BLM: variants seen among roughly 807,000 people sequenced by gnomAD.
BLM encodes the protein recQ-like DNA helicase BLM.
BLM carries 95 observed loss-of-function variants against 135.3 expected under a neutral mutation model. That is an observed-to-expected ratio of 0.70 (90% CI 0.59 to 0.83). BLM has a LOEUF of 0.83. BLM is among the 40% of genes least tolerant of loss of function. The probability of loss-of-function intolerance (pLI) is 0.00; values close to 1 mark genes in which losing one functional copy is unlikely to be tolerated. For synonymous variants in BLM, 520 were observed against 589.2 expected (o/e 0.88, Z 1.70); for missense variants, 1,518 against 1,663.9 (o/e 0.91, Z 1.53).
At position 90,797,230 on chromosome 15, in the gene BLM, G is replaced by A. The variant is rs200131166; in HGVS notation, c.3211-960G>A. ...GGAGTTAAAGACTAGCCTGGCCAAC[G>A]TGGTGAAACCCCATCTCTACTAAAA... On this transcript the variant is annotated intron_variant, in intron 16 of 21. Coordinates refer to ENST00000355112, the MANE Select transcript of BLM (RefSeq NM_000057.4). Among the ~76,000 whole-genome samples the A allele has an allele frequency of 7.9e-5, 12 of 151,884 alleles. No homozygotes were observed. The South Asian group carries it at 1.5e-3, about 19-fold the overall frequency.
chr15:90,725,909 A>C (rs1396839157), intron 1 of BLM, among the ~76,000 whole-genome samples: 1 of 152,052 alleles, frequency 6.6e-6, no homozygotes, highest in Non-Finnish European at 1.5e-5. Context: ...ATATATACGT[A>C]CATACACATT....
At chr15:90,725,473 G>C (rs1022672230) in intron 1 of BLM, among the ~76,000 whole-genome samples, 4 of 151,048 alleles carry the variant, frequency 2.6e-5, no homozygotes, top group Admixed American at 2.0e-4. Context: ...TGTGTTTATG[G>C]GCTATTTCCT....
intron 10 of BLM, among the ~76,000 whole-genome samples, chr15:90,767,485 A>G (rs1291025689): frequency 1.3e-5 from 2 of 152,114 alleles, no homozygotes; most frequent in African/African-American, 4.8e-5. Context: ...CTCTCTTAAT[A>G]TCTTTCGTGA....
intron 1 of BLM, among the ~76,000 whole-genome samples, chr15:90,720,993 G>T (rs962720497): frequency 3.3e-5 from 5 of 152,166 alleles, no homozygotes; most frequent in African/African-American, 1.2e-4. Flanking sequence ...GGGAGTTCAA[G>T]ACCAGCCTGG....
chr15:90,808,808 T>C, intron 19 of BLM: 1 of 426,902 alleles, frequency 2.3e-6, no homozygotes, highest in Admixed American at 3.5e-5. Flanking sequence ...GCTAGATGAG[T>C]ACTGGCCATG....
intron 1 of BLM, among the ~76,000 whole-genome samples, chr15:90,739,196 C>T (rs898179637): frequency 2.0e-5 from 3 of 152,086 alleles, no homozygotes. Context: ...AGGTTCAAGA[C>T]CAGCCTGGCC....
chr15:90,760,371 G>T, intron 6 of BLM, 92 bp downstream of exon 6: 5 of 1,542,060 alleles, frequency 3.2e-6, no homozygotes, highest in Non-Finnish European at 4.5e-6. Flanking sequence ...CAGGCTTTCT[G>T]GCCTGGAAAT....
intron 13 of BLM, among the ~76,000 whole-genome samples, chr15:90,784,327 C>CTTTTTTTT (rs769540432): frequency 1.1e-3 from 78 of 70,022 alleles, no homozygotes; most frequent in African/African-American, 2.7e-3. Context: ...AATGGCTTTT[C>CTTTTTTTT]TTTTTTTTTT....
chr15:90,761,848 G>C (rs1265306310), intron 7 of BLM, among the ~76,000 whole-genome samples: 1 of 152,178 alleles, frequency 6.6e-6, no homozygotes, highest in Non-Finnish European at 1.5e-5. Context: ...CCCTCCTGGA[G>C]CTCACAGCTT....
In BLM at chr15:90,762,966, A is replaced by G. The variant is rs773466486; in HGVS notation, c.1883A>G (p.Asp628Gly). The G allele has an allele frequency of 3.1e-6, 5 of 1,613,308 alleles. No homozygotes were observed. In the South Asian group the frequency reaches 3.3e-5, roughly 11 times the overall value. The change falls in exon 8 of 22, where the codon GAC becomes GGC. Residue 628 changes from aspartate to glycine, a missense_variant and splice_region_variant. Transcript: ENST00000355112. ...TTCTTAACGTTGATTATTTTCCTAG[A>G]CAAGTCAGCACAAAATTTAGCATCC... Reference protein sequence around the residue: ...NFSESIQNYTDKSAQNLASRN... With the variant: ...NFSESIQNYTGKSAQNLASRN...
chr15:90,806,174 G>A lies in BLM; in HGVS notation c.3751+1815G>A, dbSNP rs117715039. 2.3e-3 allele frequency among the ~76,000 whole-genome samples: 353 copies of A among 152,198 alleles called. 6 individuals carry two copies. The highest frequency in any genetic ancestry group is 7.0e-3 in the East Asian group (36 of 5,174). On this transcript the variant is annotated intron_variant, in intron 19 of 21. Transcript: ENST00000355112. ...CATAAAATAACAGTATCTTAATATA[G>A]TTGGCATCTTAGATCCAATGAAATA... is the stretch of plus-strand genomic sequence containing the variant.
At chr15:90,722,678 ATATTG>A (rs1894801475) in intron 1 of BLM, among the ~76,000 whole-genome samples, 1 of 152,216 alleles carries the variant, frequency 6.6e-6, no homozygotes, top group African/African-American at 2.4e-5. Flanking sequence ...CATAAAAATT[ATATTG>A]TATTCATGGT....
intron 1 of BLM, 65 bp from the exon 2 acceptor site, chr15:90,747,324 C>T (rs1895529471): frequency 8.0e-7 from 1 of 1,247,738 alleles, no homozygotes; most frequent in Non-Finnish European, 1.1e-6. Flanking sequence ...TTCCTCCCCT[C>T]AAAAAACATT....
intron 1 of BLM, among the ~76,000 whole-genome samples, chr15:90,721,750 A>G (rs59379233): frequency 4.0e-5 from 6 of 150,534 alleles, no homozygotes; most frequent in Admixed American, 6.6e-5. Context: ...GGCCAACATG[A>G]TGAAACCCTG....
At chr15:90,741,642 T>C (rs1181884904) in intron 1 of BLM, among the ~76,000 whole-genome samples, 2 of 152,246 alleles carry the variant, frequency 1.3e-5, no homozygotes, top group Non-Finnish European at 2.9e-5. Context: ...TTACCCTACA[T>C]TTATAGCTAT....
chr15:90,814,687 G>T (rs577899416), intron 21 of BLM, among the ~76,000 whole-genome samples: 1 of 152,174 alleles, frequency 6.6e-6, no homozygotes, highest in South Asian at 2.1e-4. Flanking sequence ...CAGTCATTCC[G>T]GGGTGCCTGT....
intron 13 of BLM, among the ~76,000 whole-genome samples, chr15:90,783,608 A>C (rs946584227): frequency 1.3e-5 from 2 of 152,214 alleles, no homozygotes; most frequent in African/African-American, 4.8e-5. Context: ...TCATTAAAGA[A>C]AATTTATATG....
At chr15:90,724,427 A>G (rs1427060944) in intron 1 of BLM, among the ~76,000 whole-genome samples, 2 of 152,066 alleles carry the variant, frequency 1.3e-5, no homozygotes, top group Non-Finnish European at 2.9e-5. Context: ...TCTGTCACCA[A>G]ATGTGTGGTG....
At chr15:90,735,697 A>AT (rs953094695) in intron 1 of BLM, among the ~76,000 whole-genome samples, 3 of 151,984 alleles carry the variant, frequency 2.0e-5, no homozygotes, top group Admixed American at 6.6e-5. Flanking sequence ...CAGAAATCTA[A>AT]TTTTTTTTAA....
Sources: gnomAD v4.1 joint callset for allele counts (sites outside exome capture counted in the v4.1 genomes callset) on GRCh38, gnomAD v4.1.1 for gene constraint, MANE v1.5 for transcripts, NCBI Gene and HGNC (gene_info 2026-07-23, HGNC 2026-07-21) for gene names.